The following TNRC6B variants were observed in gnomAD, a reference collection of about 807,000 sequenced individuals.
The protein encoded by TNRC6B is trinucleotide repeat containing adaptor 6B, also known as trinucleotide repeat-containing gene 6B protein.
TNRC6B carries 52 observed loss-of-function variants against 203.6 expected under a neutral mutation model. That is an observed-to-expected ratio of 0.26 (90% CI 0.20 to 0.32). TNRC6B has a LOEUF of 0.32. Among genes scored for constraint, TNRC6B ranks in the 10% least tolerant of loss-of-function variants. TNRC6B has a pLI of 1.00. For synonymous variants in TNRC6B, 838 were observed against 845.7 expected, an observed-to-expected ratio of 0.99 and a Z score of 0.16; for missense variants, 1,923 against 2,286.2, an observed-to-expected ratio of 0.84 and a Z score of 3.24.
At chr22:40,048,433 C>T (rs1301976772) in intron 1 of TNRC6B, among the ~76,000 whole-genome samples, 11 of 151,540 alleles carry the variant, frequency 7.3e-5, no homozygotes, top group Admixed American at 3.3e-4. Flanking sequence ...CCCAGTTACT[C>T]GGGAGCCTGA....
At chr22:40,258,005 C>T (rs1319794966) in intron 3 of TNRC6B, among the ~76,000 whole-genome samples, 2 of 141,888 alleles carry the variant, frequency 1.4e-5, no homozygotes, top group East Asian at 2.2e-4. Context: ...CAGAGCAAGA[C>T]TCAGTCTCAA....
At chr22:40,200,555 T>C (rs1396011116) in intron 1 of TNRC6B, among the ~76,000 whole-genome samples, 2 of 152,022 alleles carry the variant, frequency 1.3e-5, no homozygotes, top group African/African-American at 2.4e-5. Context: ...CCCAAAGTGC[T>C]GGGATTACAG....
intron 1 of TNRC6B, among the ~76,000 whole-genome samples, chr22:40,228,969 T>G (rs1338435443): frequency 6.6e-6 from 1 of 152,176 alleles, no homozygotes; most frequent in Non-Finnish European, 1.5e-5. Context: ...TGTTAAAGAT[T>G]TATTCACTAA....
rs914690650 is a variant in TNRC6B at position 40,136,895 on chromosome 22, C to T, written c.45+11033C>T. 2.6e-5 allele frequency among the ~76,000 whole-genome samples: 4 copies of T among 152,062 alleles called. No individual in the cohort carries two copies. The South Asian group carries it at 8.3e-4, about 32-fold the overall frequency. On this transcript the variant is annotated intron_variant, in intron 3 of 23. Coordinates refer to the TNRC6B transcript ENST00000301923. ...ATCAAAGGCAGCAAGTAAACGTAGT[C>T]TTTGTCTACAGAGAATAAAGTCATC...
intron 1 of TNRC6B, among the ~76,000 whole-genome samples, chr22:40,231,315 C>T (rs138051): frequency 0.32 from 48,794 of 151,930 alleles, 9,592 homozygotes; most frequent in East Asian, 0.57. Flanking sequence ...ATAAAGATTT[C>T]GTTGAATCTA....
At chr22:40,083,605 C>T (rs913976968) in intron 1 of TNRC6B, among the ~76,000 whole-genome samples, 1 of 151,982 alleles carries the variant, frequency 6.6e-6, no homozygotes, top group Non-Finnish European at 1.5e-5. Context: ...AACATGTATG[C>T]ACGTGGGGGT....
intron 1 of TNRC6B, among the ~76,000 whole-genome samples, chr22:40,079,571 G>GTATGTA (rs1555976561): frequency 6.8e-6 from 1 of 147,616 alleles, no homozygotes; most frequent in African/African-American, 2.6e-5. Flanking sequence ...CCAAATCTAA[G>GTATGTA]TATATATATA....
At chr22:40,283,238 C>T (rs1601487949) in intron 11 of TNRC6B, among the ~76,000 whole-genome samples, 2 of 152,120 alleles carry the variant, frequency 1.3e-5, no homozygotes, top group Admixed American at 6.6e-5. Flanking sequence ...TGGAGTTTCA[C>T]CATGTTAGCC....
chr22:40,176,674 C>T (rs558991763), upstream of TNRC6B, among the ~76,000 whole-genome samples: 1 of 152,170 alleles, frequency 6.6e-6, no homozygotes, highest in African/African-American at 2.4e-5. Context: ...GGTGTTTTTC[C>T]TTATACAGTT....
At chr22:40,141,034 C>T (rs1177292540) in intron 3 of TNRC6B, among the ~76,000 whole-genome samples, 1 of 151,940 alleles carries the variant, frequency 6.6e-6, no homozygotes, top group East Asian at 1.9e-4. Context: ...TAGCAAAGTA[C>T]AGAGAATAAA....
intron 3 of TNRC6B, among the ~76,000 whole-genome samples, chr22:40,153,428 C>G (rs2068778300): frequency 1.3e-5 from 2 of 151,938 alleles, no homozygotes; most frequent in South Asian, 4.1e-4. Flanking sequence ...GAGGGTGTCT[C>G]CAAGGCGGAG....
chr22:40,070,874 A>G (rs577125869), intron 1 of TNRC6B, among the ~76,000 whole-genome samples: 23 of 152,178 alleles, frequency 1.5e-4, no homozygotes, highest in African/African-American at 5.3e-4. Context: ...ATACATTAGT[A>G]TTTCAGCAGC....
At chr22:40,145,611 A>C (rs1271823108) in intron 3 of TNRC6B, among the ~76,000 whole-genome samples, 1 of 152,198 alleles carries the variant, frequency 6.6e-6, no homozygotes, top group Non-Finnish European at 1.5e-5. Context: ...TGGGAGGCTA[A>C]GGCAGGCGGA....
intron 1 of TNRC6B, among the ~76,000 whole-genome samples, chr22:40,075,693 T>C (rs1195914619): frequency 1.3e-5 from 2 of 152,208 alleles, no homozygotes; most frequent in Admixed American, 6.6e-5. Flanking sequence ...GTTTTCTGTT[T>C]ATTCTTTCCT....
At chr22:40,089,709 T>C (rs1381894985) in intron 1 of TNRC6B, among the ~76,000 whole-genome samples, 1 of 152,194 alleles carries the variant, frequency 6.6e-6, no homozygotes, top group East Asian at 1.9e-4. Context: ...CCATTATTAC[T>C]CAAAGTTCAT....
intron 3 of TNRC6B, among the ~76,000 whole-genome samples, chr22:40,257,868 C>A (rs913989771): frequency 6.6e-6 from 1 of 151,556 alleles, no homozygotes; most frequent in Non-Finnish European, 1.5e-5. Context: ...GTTAAACATA[C>A]AAAAATTAGT....
At position 40,166,643 on chromosome 22, in the gene TNRC6B, T is replaced by C. The variant is rs142459352; in HGVS notation, c.113+10461T>C. Among the ~76,000 whole-genome samples the C allele has an allele frequency of 8.3e-4, 126 of 152,274 alleles. No individual in the cohort carries two copies. In the Middle Eastern group the frequency reaches 0.017, roughly 21 times the overall value. On this transcript the variant is annotated intron_variant, in intron 4 of 23. Transcript: ENST00000301923. Reference sequence around the variant, plus strand: ...AGGGCATGGTGGCTCATGCCTGTAATCCTAGCACTCTGGGAGACCAAAGTG... The same window carrying C: ...AGGGCATGGTGGCTCATGCCTGTAACCCTAGCACTCTGGGAGACCAAAGTG...
intron 1 of TNRC6B, among the ~76,000 whole-genome samples, chr22:40,201,326 T>G (rs1048336704): frequency 1.3e-5 from 2 of 152,178 alleles, no homozygotes; most frequent in Non-Finnish European, 2.9e-5. Context: ...GGGCTGGAAC[T>G]TGAGCAGTAT....
intron 1 of TNRC6B, chr22:40,106,483 A>G (rs2068284563): frequency 1.3e-6 from 1 of 747,988 alleles, no homozygotes; most frequent in South Asian, 1.3e-5. Context: ...CCAACAGTAT[A>G]GATCTCATGA....
Sources: gnomAD v4.1 joint callset for allele counts (sites outside exome capture counted in the v4.1 genomes callset) on GRCh38, gnomAD v4.1.1 for gene constraint, MANE v1.5 for transcripts, NCBI Gene and HGNC (gene_info 2026-07-23, HGNC 2026-07-21) for gene names.